ANKRD36: variants seen among roughly 807,000 people sequenced by gnomAD.
ANKRD36 encodes ankyrin repeat domain-containing protein 36A.
In ANKRD36, 179 loss-of-function variants were observed where a neutral mutation model predicts 278.1. The observed-to-expected ratio is 0.64, with a 90% CI of 0.57 to 0.73. The LOEUF (loss-of-function observed/expected upper bound fraction) is 0.73, where lower values mean the gene tolerates loss of function less well. Among genes scored for constraint, ANKRD36 ranks in the 30% least tolerant of loss-of-function variants. ANKRD36 has a pLI of 0.00. For missense variants in ANKRD36, 1,159 were observed against 1,956.7 expected, an observed-to-expected ratio of 0.59 and a Z score of 7.69; for synonymous variants, 320 against 641.1, an observed-to-expected ratio of 0.50 and a Z score of 7.57.
chr2:97,220,729 C>CTTTTTT, intron 66 of ANKRD36, among the ~76,000 whole-genome samples: 3 of 66,520 alleles, frequency 4.5e-5, no homozygotes, highest in African/African-American at 6.3e-5. Flanking sequence ...GATTTTCTTG[C>CTTTTTT]TTTTTTTTTT....
intron 46 of ANKRD36, among the ~76,000 whole-genome samples, chr2:97,201,618 G>T (rs1325319307): frequency 1.3e-5 from 2 of 151,948 alleles, no homozygotes; most frequent in African/African-American, 4.8e-5. Context: ...TACACCACAT[G>T]GGTGGGAGAG....
intron 22 of ANKRD36, among the ~76,000 whole-genome samples, chr2:97,173,711 G>A (rs924371024): frequency 1.3e-5 from 2 of 151,750 alleles, no homozygotes; most frequent in African/African-American, 4.8e-5. Context: ...AGCTAGTGAG[G>A]TAATTTGGAG....
At chr2:97,165,206 T>C (rs917879805) in intron 20 of ANKRD36, among the ~76,000 whole-genome samples, 13 of 152,204 alleles carry the variant, frequency 8.5e-5, no homozygotes, top group Admixed American at 4.6e-4. Flanking sequence ...TATCAAGTCT[T>C]CTATACGATT....
At chr2:97,193,688 C>A (rs899136176) in intron 38 of ANKRD36, among the ~76,000 whole-genome samples, 1 of 151,544 alleles carries the variant, frequency 6.6e-6, no homozygotes, top group African/African-American at 2.4e-5. Context: ...TGGAATACAC[C>A]ACACTGACCC....
chr2:97,129,675 C>T (rs567202681), intron 6 of ANKRD36, among the ~76,000 whole-genome samples: 1 of 152,176 alleles, frequency 6.6e-6, no homozygotes, highest in East Asian at 1.9e-4. Context: ...GATCCAGTTT[C>T]AGCTTTCTAC....
intron 34 of ANKRD36, 139 bp from the exon 35 acceptor site, chr2:97,190,839 C>T: frequency 1.5e-6 from 2 of 1,332,640 alleles, no homozygotes; most frequent in Non-Finnish European, 2.0e-6. Context: ...GTTCCAGTCC[C>T]AAGAGACAAA....
chr2:97,231,955 C>G (rs1370564258), intron 67 of ANKRD36, among the ~76,000 whole-genome samples: 2 of 152,062 alleles, frequency 1.3e-5, no homozygotes, highest in African/African-American at 4.8e-5. Flanking sequence ...CAAGTCATCT[C>G]CTAATTCATT....
At chr2:97,139,378 T>C (rs1275294318) in intron 6 of ANKRD36, among the ~76,000 whole-genome samples, 2 of 152,026 alleles carry the variant, frequency 1.3e-5, no homozygotes, top group Admixed American at 6.6e-5. Context: ...CTAGATAACA[T>C]GTAGAACTTG....
chr2:97,139,836 C>CA (rs1193445846), intron 6 of ANKRD36, among the ~76,000 whole-genome samples: 1 of 152,020 alleles, frequency 6.6e-6, no homozygotes, highest in South Asian at 2.1e-4. Context: ...GGCCGATGGT[C>CA]AAAGTGTTAC....
chr2:97,115,243 G>A (rs1487687034), intron 1 of ANKRD36, among the ~76,000 whole-genome samples: 2 of 152,032 alleles, frequency 1.3e-5, no homozygotes, highest in African/African-American at 4.8e-5. Flanking sequence ...AATCTGGCTA[G>A]ATTTTTATGT....
At chr2:97,200,947 C>A (rs2061212115) in intron 46 of ANKRD36, among the ~76,000 whole-genome samples, 2 of 151,840 alleles carry the variant, frequency 1.3e-5, no homozygotes, top group Admixed American at 1.3e-4. Context: ...CTGAGAAGAC[C>A]CCTGATGTAG....
At chr2:97,185,210 A>G in intron 28 of ANKRD36, 106 bp from the exon 29 acceptor site, 2 of 1,454,574 alleles carry the variant, frequency 1.4e-6, no homozygotes, top group East Asian at 2.3e-5. Flanking sequence ...CAAAGCCTAT[A>G]CTAATACAGG....
chr2:97,158,750 C>A, intron 17 of ANKRD36, 95 bp downstream of exon 17: 2 of 1,245,974 alleles, frequency 1.6e-6, no homozygotes, highest in South Asian at 1.5e-5. Flanking sequence ...TTTAGTTTTA[C>A]AATGGTAAAT....
At position 97,122,980 on chromosome 2, in the gene ANKRD36, G is replaced by T; in HGVS notation, c.580G>T (p.Asp194Tyr). 2 of 1,541,120 alleles carry T rather than the reference G, an allele frequency of 1.3e-6. No homozygotes were observed. Among genetic ancestry groups the T allele is most frequent in the Non-Finnish European group, 1.8e-6 (2 of 1,140,586 alleles). ...LKKKANVNAI[D>Y]YLGRSALIHA... Reference sequence around the variant, plus strand: ...GAAAAAAGCAAATGTAAATGCCATTGATTATCTTGGCAGGTACAGACCTTA... The same window carrying T: ...GAAAAAAGCAAATGTAAATGCCATTTATTATCTTGGCAGGTACAGACCTTA... The change falls in exon 4 of 76, where the codon GAT becomes TAT. Residue 194 changes from aspartate to tyrosine, a missense_variant. Transcript: ENST00000420699.
chr2:97,189,136 A>G (rs1336900598), intron 33 of ANKRD36, 21 bp downstream of exon 33: 1 of 757,498 alleles, frequency 1.3e-6, no homozygotes, highest in African/African-American at 1.4e-5. Context: ...TCTCGTTTAC[A>G]TTGTGAACTA....
At chr2:97,218,203 A>G (rs1282571217) in intron 64 of ANKRD36, among the ~76,000 whole-genome samples, 1 of 150,250 alleles carries the variant, frequency 6.7e-6, no homozygotes, top group African/African-American at 2.5e-5. Context: ...TCCAGAGCAG[A>G]CTAATTTTAC....
intron 26 of ANKRD36, among the ~76,000 whole-genome samples, chr2:97,182,836 A>G (rs1032571047): frequency 6.6e-5 from 10 of 151,674 alleles, no homozygotes; most frequent in African/African-American, 2.4e-4. Context: ...CCTAAACTAG[A>G]GGACACAACA....
Position 97,204,276 on chromosome 2 carries a change from A to G in ANKRD36, c.3061+13A>G, listed in dbSNP as rs1422417727. The G allele has an allele frequency of 3.2e-6, 5 of 1,554,346 alleles. No homozygotes were observed. The Admixed American group carries it at 9.7e-5, about 30-fold the overall frequency. ...AAAACTAGGACAGGTAATTTTGAAA[A>G]GAGATTTAATGTCATGTTCAGTGCA... On this transcript the variant is annotated intron_variant, in intron 50 of 75. Coordinates refer to ENST00000420699, the MANE Select transcript of ANKRD36 (RefSeq NM_001354587.1).
chr2:97,178,820 A>T (rs1402210449), intron 22 of ANKRD36, among the ~76,000 whole-genome samples: 2 of 151,786 alleles, frequency 1.3e-5, no homozygotes, highest in Non-Finnish European at 2.9e-5. Context: ...CTAAAACTTA[A>T]AGTATAATAA....
Sources: allele counts gnomAD v4.1 joint callset (sites outside exome capture counted in the v4.1 genomes callset), GRCh38; gene constraint gnomAD v4.1.1; transcripts MANE v1.5; gene names NCBI Gene and HGNC (gene_info 2026-07-23, HGNC 2026-07-21).